AKAP13: variants seen among roughly 807,000 people sequenced by gnomAD.
AKAP13 encodes the protein A-kinase anchor protein 13.
Under a neutral mutation model 264.5 loss-of-function variants are expected in AKAP13, and 80 were observed. That is an observed-to-expected ratio of 0.30 (90% CI 0.25 to 0.36). AKAP13 has a LOEUF of 0.36. Among genes scored for constraint, AKAP13 ranks in the 10% least tolerant of loss-of-function variants. The pLI is 1.00. For synonymous variants in AKAP13, 1,380 were observed against 1,250.2 expected (o/e 1.10, Z -2.19); for missense variants, 3,712 against 3,435.2 (o/e 1.08, Z -2.01).
intron 8 of AKAP13, chr15:85,619,278 C>G: frequency 1.3e-6 from 1 of 770,188 alleles, no homozygotes; most frequent in African/African-American, 1.9e-5. Flanking sequence ...GCTGCGGGTG[C>G]GGAGCTGAAA....
rs375999618 is a variant in AKAP13 at position 85,546,252 on chromosome 15, T to C, written c.662+2297T>C. ...GTTACTTAGGTTGATTTTATCTTTC[T>C]ATGGTATATACATAGATTAAAACAT... is the stretch of plus-strand genomic sequence containing the variant. On this transcript the variant is annotated intron_variant, in intron 5 of 36. Coordinates refer to ENST00000394518, the MANE Select transcript of AKAP13 (RefSeq NM_007200.5). Among the ~76,000 whole-genome samples, 29 of 151,986 alleles carry C rather than the reference T, an allele frequency of 1.9e-4. No homozygotes were observed. In the East Asian group the frequency reaches 5.2e-3, roughly 27 times the overall value.
chr15:85,679,886 C>G (rs1446026368), intron 14 of AKAP13, among the ~76,000 whole-genome samples: 1 of 152,176 alleles, frequency 6.6e-6, no homozygotes, highest in African/African-American at 2.4e-5. Flanking sequence ...CTTAGGTGCT[C>G]TGAAAACTTG....
rs541874987 is a variant in AKAP13 at position 85,391,493 on chromosome 15, T to C, written c.-12+10695T>C. The stretch of plus-strand genomic sequence containing the variant: ...TCTTTATTCTTTTCTTTTCTTTTTT[T>C]TTTTTTTTTAAGACAGGGTCTCACT... On this transcript the variant is annotated intron_variant, in intron 1 of 36. Transcript: ENST00000394518. Among the ~76,000 whole-genome samples the C allele has an allele frequency of 5.3e-5, 8 of 151,830 alleles. No individual in the cohort carries two copies. The East Asian group carries it at 1.5e-3, about 29-fold the overall frequency.
chr15:85,381,221 G>A (rs2070228892), intron 1 of AKAP13, among the ~76,000 whole-genome samples: 1 of 152,102 alleles, frequency 6.6e-6, no homozygotes, highest in Non-Finnish European at 1.5e-5. Flanking sequence ...GGGCGGCCGC[G>A]GTGTGGAGTC....
In AKAP13 at chr15:85,743,715, G is replaced by T; in HGVS notation, c.8282G>T (p.Ser2761Ile). The change falls in exon 36 of 37, where the codon AGC (serine) becomes ATC (isoleucine). Residue 2761 changes from serine (S) to isoleucine (I), a missense_variant. Coordinates refer to ENST00000394518, the MANE Select transcript of AKAP13 (RefSeq NM_007200.5). ...ACAAACAAAGGACCAGAAGGGCAGAGCCAGGCCCCTGCGTCCACCTCTGCC... is the reference window on the plus strand; with the variant it reads ...ACAAACAAAGGACCAGAAGGGCAGATCCAGGCCCCTGCGTCCACCTCTGCC... ...SQTNKGPEGQ[S>I]QAPASTSAST... 1 of 1,614,190 alleles carries T rather than the reference G, an allele frequency of 6.2e-7. No individual in the cohort carries two copies. The highest frequency in any genetic ancestry group is 8.5e-7 in the Non-Finnish European group (1 of 1,180,038).
At chr15:85,717,440 A>T (rs746120546) in intron 21 of AKAP13, 38 bp downstream of exon 21, 2 of 1,416,658 alleles carry the variant, frequency 1.4e-6, no homozygotes, top group South Asian at 2.3e-5. Flanking sequence ...ATGCCTCTGT[A>T]GGGACTGTGT....
In AKAP13 at chr15:85,741,324, G is replaced by A. The variant is rs146148485; in HGVS notation, c.7887G>A (p.Gly2629=). 8.7e-6 allele frequency: 14 copies of A among 1,613,112 alleles called. No individual in the cohort carries two copies. The highest frequency in any genetic ancestry group is 1.1e-5 in the Non-Finnish European group (13 of 1,179,680). The stretch of plus-strand genomic sequence containing the variant: ...AGCGCGAGGAGGAGGTGCAGCAGGG[G>A]CAGCAGGACCTGGAAAAGGAGCGGG... ...LAQREEEVQQ[G]QQDLEKEREE... is the part of the protein sequence containing the mutation. Residue 2629 remains glycine (G), a synonymous_variant, in exon 35 of 37, where the codon GGG becomes GGA. Transcript: ENST00000394518.
chr15:85,480,730 C>T (rs1251243557), intron 1 of AKAP13: 1 of 152,072 alleles, frequency 6.6e-6, no homozygotes, highest in Admixed American at 6.6e-5. Flanking sequence ...TCTTGTTGCC[C>T]AGGCTGGAGT....
Position 85,459,616 on chromosome 15 carries a change from C to T in AKAP13, c.-11-26094C>T, listed in dbSNP as rs1365251646. 2.6e-5 allele frequency among the ~76,000 whole-genome samples: 4 copies of T among 152,210 alleles called. No individual in the cohort carries two copies. The South Asian group carries it at 6.2e-4, about 24-fold the overall frequency. On this transcript the variant is annotated intron_variant, in intron 1 of 36. Coordinates refer to ENST00000394518, the MANE Select transcript of AKAP13 (RefSeq NM_007200.5). ...CCAGGTTCACACCATTCTGCTGCCT[C>T]AGCCTCCTGAGTAGCTGGGATTGCA...
At chr15:85,399,351 C>T (rs1448144037) in intron 1 of AKAP13, among the ~76,000 whole-genome samples, 1 of 148,536 alleles carries the variant, frequency 6.7e-6, no homozygotes, top group Non-Finnish European at 1.5e-5. Context: ...AAAAAATTAG[C>T]CGGGCGCGGT....
At chr15:85,638,813 G>T (rs919596681) in intron 8 of AKAP13, among the ~76,000 whole-genome samples, 1 of 151,636 alleles carries the variant, frequency 6.6e-6, no homozygotes, top group Non-Finnish European at 1.5e-5. Flanking sequence ...CTGGAGTGCA[G>T]TGGCGCGATC....
intron 1 of AKAP13, among the ~76,000 whole-genome samples, chr15:85,395,498 A>G (rs2071067092): frequency 6.6e-6 from 1 of 152,208 alleles, no homozygotes; most frequent in Non-Finnish European, 1.5e-5. Flanking sequence ...GACATTGAGT[A>G]ATACTATATA....
chr15:85,411,990 A>T (rs7169186), intron 1 of AKAP13, among the ~76,000 whole-genome samples: 83,330 of 152,034 alleles, frequency 0.55, 23,704 homozygotes, highest in African/African-American at 0.66. Context: ...TTTATGAGTA[A>T]AGTAATGATA....
chr15:85,473,137 A>G lies in AKAP13; in HGVS notation c.-11-12573A>G, dbSNP rs528420926. ...AGCACAACTGGCTACTTTCCCTGAA[A>G]ACTGTTACAGTCAAAAAGTAAATTA... On this transcript the variant is annotated intron_variant, in intron 1 of 36. Transcript: ENST00000394518. 2.3e-4 allele frequency among the ~76,000 whole-genome samples: 35 copies of G among 152,348 alleles called. No individual in the cohort carries two copies. The South Asian group carries it at 6.6e-3, about 29-fold the overall frequency.
intron 8 of AKAP13, among the ~76,000 whole-genome samples, chr15:85,633,607 A>G (rs1365458214): frequency 4.2e-5 from 6 of 143,614 alleles, no homozygotes; most frequent in Non-Finnish European, 7.5e-5. Flanking sequence ...GCAGTGGCAC[A>G]ATCTCGGCTT....
intron 4 of AKAP13, among the ~76,000 whole-genome samples, chr15:85,538,741 G>A (rs939661824): frequency 1.3e-5 from 2 of 150,830 alleles, no homozygotes; most frequent in Non-Finnish European, 3.0e-5. Flanking sequence ...CTCCCGCCTC[G>A]GCCTCCCAAA....
intron 5 of AKAP13, among the ~76,000 whole-genome samples, chr15:85,551,418 C>T (rs1049267038): frequency 2.6e-5 from 4 of 152,118 alleles, no homozygotes; most frequent in Non-Finnish European, 2.9e-5. Context: ...CTCCATTGCA[C>T]AAGGAAATGT....
intron 8 of AKAP13, among the ~76,000 whole-genome samples, chr15:85,620,530 C>T (rs1366540341): frequency 6.6e-6 from 1 of 152,106 alleles, no homozygotes; most frequent in Non-Finnish European, 1.5e-5. Context: ...AGACTCCACC[C>T]CCATCTGCCT....
intron 2 of AKAP13, among the ~76,000 whole-genome samples, chr15:85,486,297 C>T (rs2075542453): frequency 6.6e-6 from 1 of 151,546 alleles, no homozygotes; most frequent in South Asian, 2.1e-4. Context: ...TTTTTTTTGG[C>T]ATCATATCTA....
Sources: gnomAD v4.1 joint callset for allele counts (sites outside exome capture counted in the v4.1 genomes callset) on GRCh38, gnomAD v4.1.1 for gene constraint, MANE v1.5 for transcripts, NCBI Gene and HGNC (gene_info 2026-07-23, HGNC 2026-07-21) for gene names.